The following BICD2 variants were observed in gnomAD, a reference collection of about 807,000 sequenced individuals.
The protein encoded by BICD2 is protein bicaudal D homolog 2.
In BICD2, 25 loss-of-function variants were observed where a neutral mutation model predicts 72.9. The observed-to-expected ratio is 0.34, with a 90% CI of 0.25 to 0.48. The LOEUF (loss-of-function observed/expected upper bound fraction) is 0.48, where lower values mean the gene tolerates loss of function less well. BICD2 is among the 20% of genes least tolerant of loss of function. The probability of loss-of-function intolerance (pLI) is 0.99; values close to 1 mark genes in which losing one functional copy is unlikely to be tolerated. For missense variants in BICD2, 894 were observed against 1,175.2 expected, an observed-to-expected ratio of 0.76 and a Z score of 3.50; for synonymous variants, 501 against 516.1, an observed-to-expected ratio of 0.97 and a Z score of 0.40.
Position 92,718,903 on chromosome 9 carries a change from C to A in BICD2, c.1742G>T (p.Arg581Leu). 1 of 1,596,898 alleles carries A rather than the reference C, an allele frequency of 6.3e-7. No individual in the cohort carries two copies. Among genetic ancestry groups the A allele is most frequent in the Non-Finnish European group, 8.5e-7 (1 of 1,172,802 alleles). ...GRTSPEARGR[R>L]SPILLPKGLL... ...CCCCTTGGGTAGGAGGATGGGTGAGCGCCGGCCACGCGCCTCGGGGCTGGT... is the reference window on the plus strand; with the variant it reads ...CCCCTTGGGTAGGAGGATGGGTGAGAGCCGGCCACGCGCCTCGGGGCTGGT... The change falls in exon 5 of 7, where the codon CGC becomes CTC. Residue 581 changes from arginine to leucine, a missense_variant. By Grantham distance (102) the Arg-to-Leu change is moderately radical. Around this residue, in one of 5 missense-constraint regions of BICD2, gnomAD observed 321 missense variants for 443.9 expected, o/e 0.72. Coordinates refer to ENST00000356884, the MANE Select transcript of BICD2 (RefSeq NM_001003800.2).
chr9:92,757,937 C>T (rs751446186), intron 1 of BICD2, among the ~76,000 whole-genome samples: 5 of 152,172 alleles, frequency 3.3e-5, no homozygotes, highest in Admixed American at 6.5e-5. Flanking sequence ...GGCGCGGTGG[C>T]TCACGCCTGT....
At chr9:92,728,618 C>A (rs895810505) in intron 2 of BICD2, among the ~76,000 whole-genome samples, 12 of 152,244 alleles carry the variant, frequency 7.9e-5, no homozygotes, top group Non-Finnish European at 1.6e-4. Flanking sequence ...TACAGCTGGG[C>A]ACAGTGCAGG....
At position 92,717,917 on chromosome 9, in the gene BICD2, C is replaced by T; in HGVS notation, c.2138G>A (p.Ser713Asn). 6 of 1,613,606 alleles carry T rather than the reference C, an allele frequency of 3.7e-6. No individual in the cohort carries two copies. The highest frequency in any genetic ancestry group is 5.1e-6 in the Non-Finnish European group (6 of 1,179,982). Residue 713 changes from serine to asparagine, a missense_variant, in exon 6 of 7, where the codon AGC becomes AAC. Ser to Asn is a conservative substitution (Grantham distance 46). This residue lies in a region of BICD2 where 321 missense variants were observed against 443.9 expected (regional missense o/e 0.72). Transcript: ENST00000356884. ...CATGGCCTTCTCATTCTCATACTTG[C>T]TCTTCAGGTTGGCAAGGGCCACCTC... is the stretch of plus-strand genomic sequence containing the variant. ...TAEVALANLK[S>N]KYENEKAMVT...
chr9:92,733,197 T>C (rs1479442124), intron 1 of BICD2, among the ~76,000 whole-genome samples: 2 of 152,190 alleles, frequency 1.3e-5, no homozygotes, highest in Non-Finnish European at 2.9e-5. Flanking sequence ...CTCATATATA[T>C]GGTCAATTGA....
At chr9:92,763,606 A>G (rs1156235499) in intron 1 of BICD2, among the ~76,000 whole-genome samples, 1 of 152,198 alleles carries the variant, frequency 6.6e-6, no homozygotes, top group Non-Finnish European at 1.5e-5. Context: ...AACGCTATGG[A>G]GTCAGGGAAC....
chr9:92,715,267 G>C lies in BICD2; in HGVS notation c.2455C>G (p.Pro819Ala). ...GRAKAAPKTK[P>A]ATPSVSHTCA... ...GTGTGACTTACGCTCGGTGTGGCTGGCTTGGTCTTCGGGGCGGCTTTGGCA... is the reference window on the plus strand; with the variant it reads ...GTGTGACTTACGCTCGGTGTGGCTGCCTTGGTCTTCGGGGCGGCTTTGGCA... Residue 819 changes from proline (P) to alanine (A), a missense_variant, in exon 7 of 7, where the codon CCA (proline) becomes GCA (alanine). Coordinates refer to ENST00000356884, the MANE Select transcript of BICD2 (RefSeq NM_001003800.2). The C allele has an allele frequency of 1.9e-6, 3 of 1,613,040 alleles. No individual in the cohort carries two copies. Among genetic ancestry groups the C allele is most frequent in the African/African-American group, 2.7e-5 (2 of 75,078 alleles).
intron 1 of BICD2, among the ~76,000 whole-genome samples, chr9:92,759,807 T>C (rs1854334261): frequency 6.6e-6 from 1 of 152,198 alleles, no homozygotes; most frequent in Admixed American, 6.5e-5. Context: ...TGTGTAACAG[T>C]TTCATCTGGT....
At chr9:92,743,125 C>G (rs969624560) in intron 1 of BICD2, among the ~76,000 whole-genome samples, 4 of 152,200 alleles carry the variant, frequency 2.6e-5, no homozygotes, top group Admixed American at 6.5e-5. Flanking sequence ...TTTCCCACTC[C>G]TCTCCAGGAC....
intron 1 of BICD2, among the ~76,000 whole-genome samples, chr9:92,761,919 C>A (rs1854380835): frequency 6.6e-6 from 1 of 152,196 alleles, no homozygotes; most frequent in Non-Finnish European, 1.5e-5. Context: ...ATGTTGTCAG[C>A]AGGACACAGA....
chr9:92,759,260 A>G (rs1854323738), intron 1 of BICD2, among the ~76,000 whole-genome samples: 1 of 152,188 alleles, frequency 6.6e-6, no homozygotes, highest in South Asian at 2.1e-4. Flanking sequence ...GGTGTCTTGT[A>G]CACATCACAC....
chr9:92,725,496 C>T (rs956803732), intron 2 of BICD2, among the ~76,000 whole-genome samples: 3 of 152,266 alleles, frequency 2.0e-5, no homozygotes, highest in African/African-American at 7.2e-5. Flanking sequence ...GCTGACTGGT[C>T]GCCATGGGGT....
chr9:92,758,539 A>T (rs1447813333), intron 1 of BICD2, among the ~76,000 whole-genome samples: 1 of 117,838 alleles, frequency 8.5e-6, no homozygotes, highest in Non-Finnish European at 1.7e-5. Context: ...GCAACATAAC[A>T]AGACTCCGTC....
intron 1 of BICD2, among the ~76,000 whole-genome samples, chr9:92,738,780 T>C (rs1853839291): frequency 6.6e-6 from 1 of 152,162 alleles, no homozygotes; most frequent in Non-Finnish European, 1.5e-5. Flanking sequence ...CTAAACCAGT[T>C]TGGCCATCTG....
At chr9:92,757,785 C>T (rs528431839) in intron 1 of BICD2, among the ~76,000 whole-genome samples, 6 of 152,264 alleles carry the variant, frequency 3.9e-5, no homozygotes, top group East Asian at 3.9e-4. Context: ...GGATGAACTG[C>T]GGTAGAAACA....
At chr9:92,755,635 G>C (rs1854239127) in intron 1 of BICD2, among the ~76,000 whole-genome samples, 1 of 152,204 alleles carries the variant, frequency 6.6e-6, no homozygotes, top group African/African-American at 2.4e-5. Context: ...GAATATCGGG[G>C]CATGTTCCCC....
intron 1 of BICD2, among the ~76,000 whole-genome samples, chr9:92,733,921 C>T (rs1412376826): frequency 1.3e-5 from 2 of 151,798 alleles, no homozygotes; most frequent in Non-Finnish European, 2.9e-5. Flanking sequence ...GAGCTGAGAT[C>T]GTGCCACTGC....
chr9:92,717,661 T>C, intron 6 of BICD2, 136 bp downstream of exon 6: 1 of 1,186,788 alleles, frequency 8.4e-7, no homozygotes, highest in Non-Finnish European at 1.1e-6. Flanking sequence ...CTGGCCCTGA[T>C]GGAGCTGGGC....
At chr9:92,737,415 A>G (rs947973082) in intron 1 of BICD2, among the ~76,000 whole-genome samples, 2 of 152,140 alleles carry the variant, frequency 1.3e-5, no homozygotes, top group African/African-American at 4.8e-5. Flanking sequence ...CAGAGTCAGC[A>G]TATCTCTGAC....
chr9:92,738,554 A>G (rs1334650574), intron 1 of BICD2, among the ~76,000 whole-genome samples: 2 of 152,216 alleles, frequency 1.3e-5, no homozygotes, highest in East Asian at 1.9e-4. Flanking sequence ...TATCTCCACA[A>G]TAAGAGCTGG....
Sources: allele counts gnomAD v4.1 joint callset (sites outside exome capture counted in the v4.1 genomes callset), GRCh38; gene constraint gnomAD v4.1.1; regional missense constraint gnomAD v4.1.1; transcripts MANE v1.5; gene names NCBI Gene and HGNC (gene_info 2026-07-23, HGNC 2026-07-21).